CERS4: variants seen among roughly 807,000 people sequenced by gnomAD.
The protein encoded by CERS4 is LAG1 homolog, ceramide synthase 4.
CERS4 carries 65 observed loss-of-function variants against 51.8 expected under a neutral mutation model. The observed-to-expected ratio is 1.26, with a 90% confidence interval of 1.03 to 1.54. CERS4 has a LOEUF of 1.54. Ranked by LOEUF, CERS4 falls within the 40% of genes most tolerant of loss-of-function variation. CERS4 has a pLI of 0.00. For missense variants in CERS4, 563 were observed against 500.4 expected, an observed-to-expected ratio of 1.13 and a Z score of -1.19; for synonymous variants, 228 against 208.4, an observed-to-expected ratio of 1.09 and a Z score of -0.81.
At chr19:8,243,684 A>C (rs1968636093) in intron 2 of CERS4, among the ~76,000 whole-genome samples, 1 of 147,258 alleles carries the variant, frequency 6.8e-6, no homozygotes. Flanking sequence ...GGTCTTGTTG[A>C]CCCCTTGCTG....
intron 2 of CERS4, among the ~76,000 whole-genome samples, chr19:8,248,855 T>TG (rs1344712427): frequency 2.1e-5 from 3 of 142,034 alleles, no homozygotes; most frequent in Non-Finnish European, 4.5e-5. Flanking sequence ...GATCTTTGGA[T>TG]GGGTGGGTGG....
chr19:8,238,960 G>T (rs1968395470), intron 2 of CERS4, among the ~76,000 whole-genome samples: 1 of 151,928 alleles, frequency 6.6e-6, no homozygotes, highest in Non-Finnish European at 1.5e-5. Flanking sequence ...AATTAGCTGG[G>T]TGTGGTGGCA....
At chr19:8,256,315 G>GA in intron 7 of CERS4, 29 bp downstream of exon 7, 1 of 1,611,538 alleles carries the variant, frequency 6.2e-7, no homozygotes, top group Non-Finnish European at 8.5e-7. Flanking sequence ...GTGAATGCTT[G>GA]GAGGGTGAGG....
At chr19:8,249,842 G>T (rs921870262) in intron 2 of CERS4, among the ~76,000 whole-genome samples, 8 of 151,668 alleles carry the variant, frequency 5.3e-5, no homozygotes, top group African/African-American at 1.9e-4. Context: ...ACCTGCCTCG[G>T]CCTCCCAAAG....
intron 3 of CERS4, among the ~76,000 whole-genome samples, chr19:8,252,213 A>G (rs1312925326): frequency 6.6e-6 from 1 of 152,022 alleles, no homozygotes; most frequent in East Asian, 1.9e-4. Flanking sequence ...TACTAAAAGT[A>G]CAAAAAATTA....
intron 2 of CERS4, among the ~76,000 whole-genome samples, chr19:8,244,573 C>CT (rs1448889588): frequency 6.6e-6 from 1 of 152,126 alleles, no homozygotes; most frequent in African/African-American, 2.4e-5. Context: ...TCTAAAATGT[C>CT]TCTGGAATCC....
chr19:8,233,462 TG>T (rs1252838983), intron 2 of CERS4, among the ~76,000 whole-genome samples: 1 of 151,942 alleles, frequency 6.6e-6, no homozygotes, highest in Non-Finnish European at 1.5e-5. Flanking sequence ...CCACCGTGCC[TG>T]GCCCAGGTAG....
intron 2 of CERS4, among the ~76,000 whole-genome samples, chr19:8,229,573 A>G (rs1356870363): frequency 6.6e-6 from 1 of 151,672 alleles, no homozygotes; most frequent in African/African-American, 2.4e-5. Flanking sequence ...ACGCCCAGCT[A>G]TTTTTTTGTA....
intron 3 of CERS4, among the ~76,000 whole-genome samples, chr19:8,253,402 A>C (rs956466085): frequency 2.0e-5 from 3 of 151,120 alleles, no homozygotes; most frequent in African/African-American, 7.3e-5. Flanking sequence ...TGGGTACCCC[A>C]AGAGTTGGTC....
At position 8,251,624 on chromosome 19, in the gene CERS4, C is replaced by G. The variant is rs573162268; in HGVS notation, c.173+375C>G. ...GTCAAGAGTTCGAGACCAGCCTGGCCAACATGGTGAAACCCTGTCTCTGCT... is the reference window on the plus strand; with the variant it reads ...GTCAAGAGTTCGAGACCAGCCTGGCGAACATGGTGAAACCCTGTCTCTGCT... On this transcript the variant is annotated intron_variant, in intron 3 of 11. Transcript: ENST00000251363. Among the ~76,000 whole-genome samples the G allele has an allele frequency of 3.3e-5, 5 of 152,150 alleles. No individual in the cohort carries two copies. In the East Asian group the frequency reaches 9.7e-4, roughly 29 times the overall value.
intron 2 of CERS4, among the ~76,000 whole-genome samples, chr19:8,211,217 C>T (rs183887191): frequency 1.3e-5 from 2 of 151,878 alleles, no homozygotes; most frequent in East Asian, 2.0e-4. Context: ...TGTCTTGGCT[C>T]AGGAGCCACT....
chr19:8,255,067 C>T (rs1232666933), intron 4 of CERS4, among the ~76,000 whole-genome samples: 2 of 152,292 alleles, frequency 1.3e-5, no homozygotes, highest in Admixed American at 1.3e-4. Flanking sequence ...TGTGACCCTC[C>T]CTCCATTCCC....
intron 2 of CERS4, among the ~76,000 whole-genome samples, chr19:8,227,479 G>GGA (rs1377607578): frequency 1.3e-5 from 2 of 151,818 alleles, no homozygotes; most frequent in Non-Finnish European, 2.9e-5. Flanking sequence ...GGACTTACTT[G>GGA]GAAGTAAGCT....
At chr19:8,240,059 GTCT>G (rs891142392) in intron 2 of CERS4, among the ~76,000 whole-genome samples, 1 of 152,138 alleles carries the variant, frequency 6.6e-6, no homozygotes, top group African/African-American at 2.4e-5. Flanking sequence ...AGTCTGAGAA[GTCT>G]TCTTGGAGGA....
Position 8,210,693 on chromosome 19 carries a change from G to T in CERS4, c.-158-13G>T, listed in dbSNP as rs1967049738. On this transcript the variant is annotated splice_polypyrimidine_tract_variant and intron_variant, in intron 1 of 11. Transcript: ENST00000251363. The surrounding 1 kb of genome is among the most constrained non-coding windows in gnomAD (Gnocchi z 4.2). ...CTCGGCCTCCCCCAGCCTCAAATGG[G>T]TCTGCCTTCCAGGAGCAGCTGCTGT... The T allele has an allele frequency of 6.6e-6, 1 of 152,302 alleles. No homozygotes were observed. The highest frequency in any genetic ancestry group is 2.1e-4 in the South Asian group (1 of 4,834). 9.4% of individuals were successfully genotyped at this position (152,302 alleles called of 1,614,324 possible).
At position 8,235,787 on chromosome 19, in the gene CERS4, A is replaced by G. The variant is rs567722577; in HGVS notation, c.-1-15289A>G. Among the ~76,000 whole-genome samples the G allele has an allele frequency of 5.9e-3, 903 of 152,054 alleles. 7 individuals are homozygous for G. Among genetic ancestry groups the G allele is most frequent in the Non-Finnish European group, 7.4e-3 (502 of 67,972 alleles). On this transcript the variant is annotated intron_variant, in intron 2 of 11. Transcript: ENST00000251363. ...CATGTGTCTGTGGTTCCAGCTACTC[A>G]GGAGGCTGAGGTGGGAGGATCACCT...
At chr19:8,225,966 C>T (rs986646654) in intron 2 of CERS4, among the ~76,000 whole-genome samples, 6 of 151,802 alleles carry the variant, frequency 4.0e-5, no homozygotes, top group Non-Finnish European at 7.4e-5. Flanking sequence ...GAGGCCAAGG[C>T]GGGCGGATCA....
intron 2 of CERS4, chr19:8,214,317 C>G (rs1411002807): frequency 1.3e-5 from 2 of 152,354 alleles, no homozygotes; most frequent in Non-Finnish European, 1.5e-5. Context: ...GTGGGAGGCA[C>G]TGGGGACAGA....
intron 10 of CERS4, chr19:8,261,400 C>T: frequency 2.3e-6 from 1 of 426,438 alleles, no homozygotes; most frequent in Admixed American, 3.6e-5. Context: ...GAGAAGCTGC[C>T]AGAGTGCCAC....
Sources: allele counts gnomAD v4.1 joint callset (sites outside exome capture counted in the v4.1 genomes callset), GRCh38; gene constraint gnomAD v4.1.1; non-coding constraint Gnocchi (gnomAD v3.1); transcripts MANE v1.5; gene names NCBI Gene and HGNC (gene_info 2026-07-23, HGNC 2026-07-21).